The following WDR41 variants were observed in gnomAD, a reference collection of about 807,000 sequenced individuals.
WDR41 encodes WD repeat domain 41.
Under a neutral mutation model 69.3 loss-of-function variants are expected in WDR41, and 63 were observed. That is an observed-to-expected ratio of 0.91 (90% CI 0.74 to 1.12). The LOEUF is 1.12. Among genes scored for constraint, WDR41 ranks in the 50% most tolerant of loss-of-function variants. The pLI, the probability that WDR41 is intolerant of heterozygous loss-of-function variation, is 0.00. For missense variants in WDR41, 543 were observed against 534.5 expected, an observed-to-expected ratio of 1.02 and a Z score of -0.16; for synonymous variants, 185 against 192.1, an observed-to-expected ratio of 0.96 and a Z score of 0.31.
At chr5:77,567,672 A>AAAG (rs1476263378) in intron 1 of WDR41, among the ~76,000 whole-genome samples, 1 of 151,982 alleles carries the variant, frequency 6.6e-6, no homozygotes, top group African/African-American at 2.4e-5. Context: ...GTAAAAAAAA[A>AAAG]AAAAAAAAAA....
At chr5:77,607,358 GA>G (rs1168657318) in intron 1 of WDR41, among the ~76,000 whole-genome samples, 1 of 152,146 alleles carries the variant, frequency 6.6e-6, no homozygotes, top group Non-Finnish European at 1.5e-5. Context: ...AGGGAGAATA[GA>G]AATTAATGAC....
At chr5:77,493,640 C>G (rs981559579), upstream of WDR41, among the ~76,000 whole-genome samples, 2 of 152,202 alleles carry the variant, frequency 1.3e-5, no homozygotes, top group African/African-American at 4.8e-5. Flanking sequence ...CCCCAAATTG[C>G]AGTCTGCATA....
intron 1 of WDR41, among the ~76,000 whole-genome samples, chr5:77,527,530 C>A (rs1293550191): frequency 6.6e-6 from 1 of 151,666 alleles, no homozygotes; most frequent in African/African-American, 2.4e-5. Context: ...AACAGAGAAA[C>A]CTACAATCAT....
At chr5:77,451,236 C>A in intron 7 of WDR41, 55 bp downstream of exon 7, 3 of 1,527,270 alleles carry the variant, frequency 2.0e-6, no homozygotes, top group Non-Finnish European at 2.7e-6. Context: ...GTCCTTCCAG[C>A]ATGTGTATAC....
intron 2 of WDR41, among the ~76,000 whole-genome samples, chr5:77,472,186 C>T (rs989155909): frequency 2.0e-5 from 3 of 152,172 alleles, no homozygotes; most frequent in African/African-American, 7.2e-5. Context: ...ATGATTATCT[C>T]AACAGATGCA....
At chr5:77,602,112 C>A (rs1041126020) in intron 1 of WDR41, among the ~76,000 whole-genome samples, 1 of 152,050 alleles carries the variant, frequency 6.6e-6, no homozygotes, top group African/African-American at 2.4e-5. Flanking sequence ...TCATCCCCAC[C>A]CTTCCCATCC....
chr5:77,438,644 A>G (rs552828512), intron 9 of WDR41, among the ~76,000 whole-genome samples: 13 of 152,314 alleles, frequency 8.5e-5, no homozygotes, highest in African/African-American at 2.6e-4. Flanking sequence ...TATCTAGAGA[A>G]AAGCTATAGC....
chr5:77,528,267 T>A (rs977912949), intron 1 of WDR41, among the ~76,000 whole-genome samples: 6 of 151,690 alleles, frequency 4.0e-5, no homozygotes, highest in Non-Finnish European at 5.9e-5. Flanking sequence ...TATTAAGAGG[T>A]GGCTACTAAC....
intron 2 of WDR41, among the ~76,000 whole-genome samples, chr5:77,487,183 CTGTG>C (rs1801562297): frequency 6.6e-6 from 1 of 152,212 alleles, no homozygotes; most frequent in African/African-American, 2.4e-5. Context: ...TGATCACATA[CTGTG>C]TATTTATTAT....
intron 2 of WDR41, among the ~76,000 whole-genome samples, chr5:77,478,290 A>T (rs1310488293): frequency 1.3e-5 from 2 of 152,216 alleles, no homozygotes; most frequent in Non-Finnish European, 2.9e-5. Context: ...ATTCCAATCA[A>T]TAGTAAAAGA....
At chr5:77,519,654 T>A (rs949788997) in intron 1 of WDR41, among the ~76,000 whole-genome samples, 2 of 152,110 alleles carry the variant, frequency 1.3e-5, no homozygotes, top group East Asian at 1.9e-4. Flanking sequence ...TTAAGTTGAA[T>A]AATTAAAAAT....
At chr5:77,491,617 G>C (rs1561203542) in intron 1 of WDR41, among the ~76,000 whole-genome samples, 2 of 152,078 alleles carry the variant, frequency 1.3e-5, no homozygotes, top group Non-Finnish European at 2.9e-5. Context: ...CAGTTAATTA[G>C]AAAATCATGT....
At chr5:77,518,948 G>C (rs1802333020) in intron 1 of WDR41, among the ~76,000 whole-genome samples, 1 of 151,986 alleles carries the variant, frequency 6.6e-6, no homozygotes. Context: ...CTAAGACTCA[G>C]TTTCTCTAAC....
At chr5:77,483,243 T>A (rs1801362841) in intron 2 of WDR41, among the ~76,000 whole-genome samples, 1 of 152,072 alleles carries the variant, frequency 6.6e-6, no homozygotes, top group Admixed American at 6.6e-5. Context: ...GCTAAGGTGA[T>A]CCTCCCACCT....
rs374844133 is a variant in WDR41 at position 77,611,814 on chromosome 5, A to C, written c.42+8665T>G. Among the ~76,000 whole-genome samples the C allele has an allele frequency of 5.3e-3, 812 of 152,080 alleles. 27 individuals are homozygous for C. In the East Asian group the frequency reaches 0.12, roughly 23 times the overall value. On this transcript the variant is annotated intron_variant, in intron 1 of 5. Transcript: ENST00000509971. Reference sequence around the variant, plus strand: ...ATCAGAGCAGAACTGAAGGAAATAGAGACACAAAAAACCCTTCAAAAAATC... The same window carrying C: ...ATCAGAGCAGAACTGAAGGAAATAGCGACACAAAAAACCCTTCAAAAAATC...
At chr5:77,578,539 A>G (rs1743876183) in intron 1 of WDR41, among the ~76,000 whole-genome samples, 1 of 152,184 alleles carries the variant, frequency 6.6e-6, no homozygotes, top group Admixed American at 6.6e-5. Flanking sequence ...TTAATGGAAA[A>G]GACTTCAAAG....
chr5:77,440,611 C>T (rs529932530), intron 9 of WDR41, among the ~76,000 whole-genome samples: 35 of 152,280 alleles, frequency 2.3e-4, no homozygotes, highest in African/African-American at 7.7e-4. Context: ...GCCATTTAAT[C>T]ATTTCCTTGC....
chr5:77,502,359 T>C (rs1802030574), intron 1 of WDR41, among the ~76,000 whole-genome samples: 1 of 151,442 alleles, frequency 6.6e-6, no homozygotes, highest in Non-Finnish European at 1.5e-5. Context: ...CTCCGAGAAA[T>C]ATGGGACTAT....
chr5:77,448,458 G>A (rs1199362492), intron 8 of WDR41, among the ~76,000 whole-genome samples: 1 of 152,172 alleles, frequency 6.6e-6, no homozygotes, highest in Non-Finnish European at 1.5e-5. Context: ...GGAGCTGGGA[G>A]GGACACTCTT....
Sources: allele counts gnomAD v4.1 joint callset (sites outside exome capture counted in the v4.1 genomes callset), GRCh38; gene constraint gnomAD v4.1.1; transcripts MANE v1.5; gene names NCBI Gene and HGNC (gene_info 2026-07-23, HGNC 2026-07-21).